The following PPP2R5C variants were observed in gnomAD, a reference collection of about 807,000 sequenced individuals.
PPP2R5C encodes protein phosphatase 2 regulatory subunit B'gamma.
PPP2R5C carries 7 observed loss-of-function variants against 68.9 expected under a neutral mutation model. The observed-to-expected ratio is 0.10, with a 90% CI of 0.06 to 0.19. PPP2R5C has a LOEUF of 0.19. Ranked by LOEUF, PPP2R5C falls within the 10% of genes least tolerant of loss-of-function variation. The pLI is 1.00. For missense variants in PPP2R5C, 348 were observed against 641.3 expected (o/e 0.54, Z 4.94); for synonymous variants, 210 against 222.2 (o/e 0.95, Z 0.49).
At chr14:101,919,645 T>A (rs768582491) in intron 13 of PPP2R5C, among the ~76,000 whole-genome samples, 1 of 152,194 alleles carries the variant, frequency 6.6e-6, no homozygotes, top group Non-Finnish European at 1.5e-5. Flanking sequence ...CGTGTTCATT[T>A]TTAAGACACG....
rs142765721 is a variant in PPP2R5C at position 101,909,688 on chromosome 14, A to G, written c.1251A>G (p.Leu417=). ...CACAACAGTTCAAAGCAGAGAAACT[A>G]AAGTGAGTTGTTCCTTTCACAAGTT... is the stretch of plus-strand genomic sequence containing the variant. Residue 417 remains leucine, a splice_region_variant and synonymous_variant, in exon 11 of 14, where the codon CTA becomes CTG. Coordinates refer to ENST00000334743, the Ensembl canonical transcript of PPP2R5C. 3.7e-5 allele frequency: 58 copies of G among 1,585,506 alleles called. No individual in the cohort carries two copies. The African/African-American group carries it at 7.1e-4, about 19-fold the overall frequency.
intron 5 of PPP2R5C, among the ~76,000 whole-genome samples, chr14:101,884,021 G>A (rs1226083169): frequency 2.0e-5 from 3 of 152,194 alleles, no homozygotes; most frequent in Admixed American, 6.5e-5. Context: ...TCTGCAGGCC[G>A]AGTCCCAAAA....
chr14:101,765,362 TTATTATTG>T, intron 2 of PPP2R5C: 2 of 655,702 alleles, frequency 3.1e-6, no homozygotes, highest in Non-Finnish European at 5.5e-6. Flanking sequence ...CCCTTAAATT[TTATTATTG>T]TTTTTTTTCC....
At chr14:101,794,795 T>C (rs2038532471) in intron 3 of PPP2R5C, among the ~76,000 whole-genome samples, 1 of 152,234 alleles carries the variant, frequency 6.6e-6, no homozygotes, top group African/African-American at 2.4e-5. Flanking sequence ...GTTGTTTATA[T>C]GAAGGCTATT....
chr14:101,905,079 T>A (rs73360921), intron 9 of PPP2R5C, among the ~76,000 whole-genome samples: 17,962 of 152,170 alleles, frequency 0.12, 1,537 homozygotes, highest in East Asian at 0.3. Context: ...GGGGGCTGAG[T>A]GCAGTGGCTC....
rs1236995074 is a variant in PPP2R5C at position 101,899,731 on chromosome 14, A to G, written c.853-1988A>G. On this transcript the variant is annotated intron_variant, in intron 8 of 13. Coordinates refer to ENST00000334743, the Ensembl canonical transcript of PPP2R5C. The surrounding 1 kb of genome is among the most constrained non-coding windows in gnomAD (Gnocchi z 4.2). ...CTGTGTCCTTAATAGTGATTCCAATACACGCAAAGTGTGGTAGGAACACAA... is the reference window on the plus strand; with the variant it reads ...CTGTGTCCTTAATAGTGATTCCAATGCACGCAAAGTGTGGTAGGAACACAA... Among the ~76,000 whole-genome samples, 2 of 152,230 alleles carry G rather than the reference A, an allele frequency of 1.3e-5. No homozygotes were observed. The highest frequency in any genetic ancestry group is 2.9e-5 in the Non-Finnish European group (2 of 68,036).
chr14:101,894,986 C>A (rs1275315528), intron 8 of PPP2R5C, among the ~76,000 whole-genome samples: 1 of 152,168 alleles, frequency 6.6e-6, no homozygotes, highest in Non-Finnish European at 1.5e-5. Flanking sequence ...GAAAATACTT[C>A]CCAAGTTACA....
chr14:101,831,154 A>G (rs1054472875), intron 1 of PPP2R5C, among the ~76,000 whole-genome samples: 1 of 152,176 alleles, frequency 6.6e-6, no homozygotes, highest in Admixed American at 6.5e-5. Context: ...CTGGGGAGAA[A>G]AGAGGTGTGC....
intron 1 of PPP2R5C, among the ~76,000 whole-genome samples, chr14:101,845,727 G>C (rs2041786734): frequency 6.6e-6 from 1 of 152,148 alleles, no homozygotes; most frequent in African/African-American, 2.4e-5. Flanking sequence ...TTTAAGGTAG[G>C]AGCAGCTCAG....
At chr14:101,898,716 T>G (rs1488072947) in intron 8 of PPP2R5C, among the ~76,000 whole-genome samples, 1 of 152,182 alleles carries the variant, frequency 6.6e-6, no homozygotes, top group Non-Finnish European at 1.5e-5. Context: ...TTGCTTAGTT[T>G]CCTGCTGCAC....
intron 1 of PPP2R5C, chr14:101,844,125 T>C (rs1412784591): frequency 1.3e-5 from 2 of 150,766 alleles, no homozygotes; most frequent in Non-Finnish European, 2.9e-5. Context: ...TGATTATCTG[T>C]TTTTGGTGTT....
At chr14:101,813,940 C>T (rs961767212) in intron 1 of PPP2R5C, among the ~76,000 whole-genome samples, 3 of 152,184 alleles carry the variant, frequency 2.0e-5, no homozygotes, top group Non-Finnish European at 4.4e-5. Flanking sequence ...CCAATAAAAA[C>T]TCATTAAAAA....
chr14:101,762,418 C>T (rs904666598), intron 1 of PPP2R5C, among the ~76,000 whole-genome samples: 6 of 151,956 alleles, frequency 3.9e-5, no homozygotes. Context: ...TCTGCCGCCC[C>T]GGAGGGACGC....
intron 2 of PPP2R5C, among the ~76,000 whole-genome samples, chr14:101,864,209 T>A (rs889487737): frequency 1.3e-5 from 2 of 152,124 alleles, no homozygotes; most frequent in Non-Finnish European, 2.9e-5. Context: ...GTCTTAACAG[T>A]CACAGATGAA....
chr14:101,904,318 T>A (rs894206010), intron 9 of PPP2R5C, among the ~76,000 whole-genome samples: 2 of 151,952 alleles, frequency 1.3e-5, no homozygotes, highest in African/African-American at 4.8e-5. Context: ...CCTGGCTGAT[T>A]TTTGTATTTT....
intron 1 of PPP2R5C, among the ~76,000 whole-genome samples, chr14:101,840,474 C>T (rs967838967): frequency 7.0e-6 from 1 of 142,896 alleles, no homozygotes; most frequent in African/African-American, 2.7e-5. Flanking sequence ...ACCTGCTCCC[C>T]CCACCACCAA....
intron 1 of PPP2R5C, among the ~76,000 whole-genome samples, chr14:101,846,013 A>C (rs941440980): frequency 7.9e-5 from 12 of 152,218 alleles, no homozygotes; most frequent in African/African-American, 2.9e-4. Context: ...CACGGAGTGG[A>C]AAGATGGTTT....
chr14:101,924,690 C>T (rs922966059), intron 13 of PPP2R5C, among the ~76,000 whole-genome samples: 1 of 152,006 alleles, frequency 6.6e-6, no homozygotes, highest in Non-Finnish European at 1.5e-5. Flanking sequence ...ATCCGTCCGC[C>T]TCGGCCTCCC....
chr14:101,850,306 T>TA (rs1051375732), intron 1 of PPP2R5C, among the ~76,000 whole-genome samples: 6 of 152,316 alleles, frequency 3.9e-5, no homozygotes, highest in Admixed American at 2.6e-4. Context: ...GTAAAAGTGA[T>TA]ACTCAAAAAC....
Sources: allele counts gnomAD v4.1 joint callset (sites outside exome capture counted in the v4.1 genomes callset), GRCh38; gene constraint gnomAD v4.1.1; non-coding constraint Gnocchi (gnomAD v3.1); transcripts MANE v1.5; gene names NCBI Gene and HGNC (gene_info 2026-07-23, HGNC 2026-07-21).